TADA2B: variants seen among roughly 807,000 people sequenced by gnomAD.
TADA2B encodes the protein transcriptional adaptor 2B, also known as transcriptional adapter 2-beta.
In TADA2B, 13 loss-of-function variants were observed where a neutral mutation model predicts 34.5. The ratio of observed to expected loss-of-function variants is 0.38; its 90% CI spans 0.25 to 0.60. The LOEUF (loss-of-function observed/expected upper bound fraction) is 0.60. Among genes scored for constraint, TADA2B ranks in the 20% least tolerant of loss-of-function variants. The pLI, the probability that TADA2B is intolerant of heterozygous loss-of-function variation, is 0.65. For synonymous variants in TADA2B, 240 were observed against 243.4 expected, an observed-to-expected ratio of 0.99 and a Z score of 0.13; for missense variants, 442 against 575.0, an observed-to-expected ratio of 0.77 and a Z score of 2.37.
chr4:7,056,782 T>C lies in TADA2B; in HGVS notation c.*1728T>C, dbSNP rs1428701071. 6.6e-6 allele frequency: 1 copy of C among 152,214 alleles called. No homozygotes were observed. Among genetic ancestry groups the C allele is most frequent in the Non-Finnish European group, 1.5e-5 (1 of 68,046 alleles). The allele number at this position is 152,214 out of a possible 1,614,324, so 9.4% of individuals were successfully genotyped here. ...TCCACATTGTCCCCTGCAGAATAAA[T>C]GCGGATGACAGAAAGCTTATGCTGT... On this transcript the variant is annotated 3_prime_UTR_variant, in exon 2 of 2. Transcript: ENST00000310074.
intron 1 of TADA2B, chr4:7,053,855 A>G (rs2108786455): frequency 1.7e-6 from 1 of 576,406 alleles, no homozygotes; most frequent in Non-Finnish European, 3.0e-6. Flanking sequence ...GTACAGAATC[A>G]GCATGTGTTG....
Position 7,057,308 on chromosome 4 carries a change from A to G in TADA2B, c.*2254A>G, listed in dbSNP as rs1189409973. 1 of 152,226 alleles carries G rather than the reference A, an allele frequency of 6.6e-6. No homozygotes were observed. Among genetic ancestry groups the G allele is most frequent in the Non-Finnish European group, 1.5e-5 (1 of 68,042 alleles). The allele number at this position is 152,226 out of a possible 1,614,324, so 9.4% of individuals were successfully genotyped here. On this transcript the variant is annotated 3_prime_UTR_variant, in exon 2 of 2. Transcript: ENST00000310074. ...TGTTTTAAAACACCATAATGAATGTATAATTAATTTATGTTAAAGTATTAA... is the reference window on the plus strand; with the variant it reads ...TGTTTTAAAACACCATAATGAATGTGTAATTAATTTATGTTAAAGTATTAA...
chr4:7,046,048 C>T (rs920841960), intron 1 of TADA2B: 11 of 152,264 alleles, frequency 7.2e-5, no homozygotes, highest in African/African-American at 2.4e-4. Context: ...CACAGCGAGC[C>T]TGGCCAGGCT....
intron 1 of TADA2B, among the ~76,000 whole-genome samples, chr4:7,050,148 G>A (rs1723727214): frequency 6.6e-6 from 1 of 152,250 alleles, no homozygotes; most frequent in East Asian, 1.9e-4. Flanking sequence ...GGAAATGCAC[G>A]CGTGGGCTCG....
chr4:7,050,837 C>T (rs897063216), intron 1 of TADA2B, among the ~76,000 whole-genome samples: 1 of 152,238 alleles, frequency 6.6e-6, no homozygotes, highest in African/African-American at 2.4e-5. Flanking sequence ...GGCTAGGACC[C>T]CCTTCTGCTG....
At position 7,056,958 on chromosome 4, in the gene TADA2B, G is replaced by C. The variant is rs1317035378; in HGVS notation, c.*1904G>C. On this transcript the variant is annotated 3_prime_UTR_variant, in exon 2 of 2. Coordinates refer to ENST00000310074, the MANE Select transcript of TADA2B (RefSeq NM_152293.3). ...CCACCTGGCCTCCTGAATCAAAATG[G>C]TGTGCGGCAGGGTGCAGCGAGCTGT... 13 of 152,226 alleles carry C rather than the reference G, an allele frequency of 8.5e-5. No individual in the cohort carries two copies. The highest frequency in any genetic ancestry group is 7.2e-4 in the Admixed American group (11 of 15,284). The allele number at this position is 152,226 out of a possible 1,614,324, so 9.4% of individuals were successfully genotyped here.
At chr4:7,049,827 G>T (rs967460647) in intron 1 of TADA2B, among the ~76,000 whole-genome samples, 1 of 152,220 alleles carries the variant, frequency 6.6e-6, no homozygotes, top group Non-Finnish European at 1.5e-5. Context: ...TGGTGTGCCA[G>T]CCCCGAGGGC....
intron 1 of TADA2B, among the ~76,000 whole-genome samples, chr4:7,051,864 TG>T (rs1307176067): frequency 6.6e-6 from 1 of 152,200 alleles, no homozygotes; most frequent in Non-Finnish European, 1.5e-5. Flanking sequence ...CCCAAAGTGT[TG>T]GGATTACAGG....
At position 7,054,134 on chromosome 4, in the gene TADA2B, A is replaced by G; in HGVS notation, c.343A>G (p.Ile115Val). 1 of 1,604,106 alleles carries G rather than the reference A, an allele frequency of 6.2e-7. No homozygotes were observed. Residue 115 changes from isoleucine (I) to valine (V), a missense_variant, in exon 2 of 2, where the codon ATC (isoleucine) becomes GTC (valine). By Grantham distance (29) the Ile-to-Val change is conservative. Coordinates refer to ENST00000310074, the MANE Select transcript of TADA2B (RefSeq NM_152293.3). ...GATGGAGCATTACGTGAGCATGTAC[A>G]TCCACGGGAACCTGGGGAAGGCCTG... ...EVMEHYVSMY[I>V]HGNLGKACIP...
chr4:7,050,349 G>A (rs1008458135), intron 1 of TADA2B, among the ~76,000 whole-genome samples: 1 of 152,252 alleles, frequency 6.6e-6, no homozygotes, highest in Non-Finnish European at 1.5e-5. Context: ...AGCTCTGCCC[G>A]CTGAATGCCC....
intron 1 of TADA2B, 36 bp from the exon 2 acceptor site, chr4:7,054,026 G>A (rs1344786986): frequency 6.6e-7 from 1 of 1,521,632 alleles, no homozygotes; most frequent in Non-Finnish European, 8.9e-7. Flanking sequence ...CTGGCACCCT[G>A]ATGGTGGAAC....
chr4:7,044,129 G>A (rs932269677), intron 1 of TADA2B, among the ~76,000 whole-genome samples: 1 of 152,266 alleles, frequency 6.6e-6, no homozygotes, highest in Non-Finnish European at 1.5e-5. Context: ...TCACCTTCAG[G>A]GACGCCTTCA....
intron 1 of TADA2B, among the ~76,000 whole-genome samples, chr4:7,052,286 T>G (rs1239658524): frequency 6.6e-6 from 1 of 152,242 alleles, no homozygotes; most frequent in Admixed American, 6.5e-5. Flanking sequence ...AATTCCCATC[T>G]TCCAGGCACC....
At chr4:7,052,897 G>A (rs1471737590) in intron 1 of TADA2B, 1 of 152,320 alleles carries the variant, frequency 6.6e-6, no homozygotes, top group East Asian at 1.9e-4. Flanking sequence ...CTGGGCCCCA[G>A]GTGGCGGGGG....
At chr4:7,051,218 G>A (rs1723759996) in intron 1 of TADA2B, among the ~76,000 whole-genome samples, 1 of 152,190 alleles carries the variant, frequency 6.6e-6, no homozygotes, top group Non-Finnish European at 1.5e-5. Flanking sequence ...ACCTGGTCTT[G>A]GATAAACCTT....
intron 1 of TADA2B, chr4:7,046,306 G>C (rs1178459313): frequency 3.9e-5 from 6 of 152,220 alleles, no homozygotes; most frequent in Admixed American, 3.9e-4. Flanking sequence ...TTCTGAGCAT[G>C]TATCCAGCTA....
intron 1 of TADA2B, among the ~76,000 whole-genome samples, chr4:7,051,429 A>G (rs1474330538): frequency 6.6e-6 from 1 of 152,160 alleles, no homozygotes; most frequent in Non-Finnish European, 1.5e-5. Context: ...GAAGCTCCTG[A>G]CAGGTGCGAG....
At chr4:7,051,117 G>A (rs532119434) in intron 1 of TADA2B, among the ~76,000 whole-genome samples, 115 of 152,338 alleles carry the variant, frequency 7.5e-4, no homozygotes, top group African/African-American at 2.7e-3. Context: ...AAGGAGGGCT[G>A]GCAGGTCAGG....
rs1313652758 is a variant in TADA2B at position 7,057,889 on chromosome 4, A to T, written c.*2835A>T. On this transcript the variant is annotated 3_prime_UTR_variant, in exon 2 of 2. Transcript: ENST00000310074. ...TGGCCAACATCCCAAGAATGTATTA[A>T]AAACAGCAACCCTGCCTACCGTTTT... 1.3e-5 allele frequency: 1 copy of T among 75,736 alleles called. No homozygotes were observed. The highest frequency in any genetic ancestry group is 3.7e-5 in the Non-Finnish European group (1 of 26,910). 4.7% of individuals were successfully genotyped at this position (75,736 alleles called of 1,614,324 possible). A position where few individuals can be genotyped will look rare whatever the true frequency, so the allele number is the denominator to read the frequency against.
Sources: allele counts gnomAD v4.1 joint callset (sites outside exome capture counted in the v4.1 genomes callset), GRCh38; gene constraint gnomAD v4.1.1; transcripts MANE v1.5; gene names NCBI Gene and HGNC (gene_info 2026-07-23, HGNC 2026-07-21).